Variants in ATP13A3 observed in about 807,000 individuals in gnomAD.
ATP13A3 encodes the protein ATPase 13A3.
In ATP13A3, 59 loss-of-function variants were observed where a neutral mutation model predicts 158.1. The observed-to-expected ratio is 0.37, with a 90% CI of 0.30 to 0.46. The LOEUF (loss-of-function observed/expected upper bound fraction) is 0.46, where lower values mean the gene tolerates loss of function less well. Among genes scored for constraint, ATP13A3 ranks in the 20% least tolerant of loss-of-function variants. ATP13A3 has a pLI of 1.00. For missense variants in ATP13A3, 1,166 were observed against 1,525.2 expected, an observed-to-expected ratio of 0.76 and a Z score of 3.92; for synonymous variants, 491 against 504.3, an observed-to-expected ratio of 0.97 and a Z score of 0.35.
chr3:194,454,550 T>C (rs118073380), intron 8 of ATP13A3, among the ~76,000 whole-genome samples, 158 bp from the exon 9 acceptor site: 2,775 of 152,340 alleles, frequency 0.018, 31 homozygotes, highest in African/African-American at 0.034. Flanking sequence ...TAGGGCAGGC[T>C]GGGCGCGGTG....
At position 194,404,173 on chromosome 3, in the gene ATP13A3, A is replaced by G; in HGVS notation, c.*1746T>C. ...AAATAGTGCTAATTCACAGCTCAAG[A>G]GGTCTAAGATGCATAGCTTCATAGA... On this transcript the variant is annotated 3_prime_UTR_variant, in exon 34 of 34. Coordinates refer to ENST00000645319, the MANE Select transcript of ATP13A3 (RefSeq NM_001367549.1). The G allele has an allele frequency of 2.2e-6, 1 of 445,878 alleles. No individual in the cohort carries two copies. Among genetic ancestry groups the G allele is most frequent in the South Asian group, 1.6e-5 (1 of 62,388 alleles). The allele number at this position is 445,878 out of a possible 1,614,324, so 27.6% of individuals were successfully genotyped here.
At chr3:194,460,945 A>T in intron 3 of ATP13A3, 114 bp from the exon 4 acceptor site, 1 of 1,124,582 alleles carries the variant, frequency 8.9e-7, no homozygotes, top group Non-Finnish European at 1.2e-6. Flanking sequence ...CTTGTCACAT[A>T]AACTGTAAAT....
intron 14 of ATP13A3, among the ~76,000 whole-genome samples, chr3:194,445,815 AG>A (rs1295343285): frequency 6.6e-6 from 1 of 152,234 alleles, no homozygotes; most frequent in Non-Finnish European, 1.5e-5. Flanking sequence ...TTTAATTCTC[AG>A]AAAACTTTAA....
In ATP13A3 at chr3:194,462,186, T is replaced by A. The variant is rs773544017; in HGVS notation, c.5A>T (p.Asp2Val). 1.2e-5 allele frequency: 19 copies of A among 1,613,768 alleles called. No homozygotes were observed. The highest frequency in any genetic ancestry group is 1.4e-5 in the Non-Finnish European group (17 of 1,179,724). M[D>V]REERKTINQG... ...ATTGATGGTCTTCCTTTCTTCCCTGTCCATACCTACAGTGGATTAAAGGTC... is the reference window on the plus strand; with the variant it reads ...ATTGATGGTCTTCCTTTCTTCCCTGACCATACCTACAGTGGATTAAAGGTC... Residue 2 changes from aspartate (D) to valine (V), a missense_variant, in exon 3 of 34, where the codon GAC (aspartate) becomes GTC (valine). This residue lies in a region of ATP13A3 where 65 missense variants were observed against 92.4 expected (regional missense o/e 0.70). Coordinates refer to ENST00000645319, the MANE Select transcript of ATP13A3 (RefSeq NM_001367549.1).
intron 20 of ATP13A3, among the ~76,000 whole-genome samples, chr3:194,434,715 G>A (rs1011792458): frequency 6.6e-6 from 1 of 152,154 alleles, no homozygotes; most frequent in African/African-American, 2.4e-5. Flanking sequence ...CTAGGAGTTT[G>A]AGGCCAGCCT....
At chr3:194,482,042 C>T (rs1160566203) in intron 2 of ATP13A3, among the ~76,000 whole-genome samples, 2 of 152,180 alleles carry the variant, frequency 1.3e-5, no homozygotes, top group African/African-American at 2.4e-5. Context: ...TCTAGAGAAT[C>T]ATTTTATGGA....
At chr3:194,430,886 C>T (rs1361827786) in intron 24 of ATP13A3, 57 bp downstream of exon 24, 2 of 1,346,180 alleles carry the variant, frequency 1.5e-6, no homozygotes, top group Non-Finnish European at 2.0e-6. Context: ...TTTTCTGATG[C>T]TGAAATGAAA....
intron 14 of ATP13A3, among the ~76,000 whole-genome samples, chr3:194,446,648 T>C (rs1341390396): frequency 2.0e-5 from 3 of 152,216 alleles, no homozygotes; most frequent in Non-Finnish European, 4.4e-5. Flanking sequence ...GACCAAAATA[T>C]GGCATAGGAA....
At chr3:194,451,759 C>G (rs1002370604) in intron 10 of ATP13A3, 1 of 152,400 alleles carries the variant, frequency 6.6e-6, no homozygotes, top group African/African-American at 2.4e-5. Context: ...ACAAGTTACA[C>G]GTCCAAAATA....
At chr3:194,449,787 T>C (rs1473372966) in intron 11 of ATP13A3, among the ~76,000 whole-genome samples, 2 of 151,706 alleles carry the variant, frequency 1.3e-5, no homozygotes, top group Admixed American at 1.3e-4. Flanking sequence ...TCAAGAAAAA[T>C]ATAAAATCTT....
At position 194,421,944 on chromosome 3, in the gene ATP13A3, C is replaced by CAAAAAAAAAAAAAAAAAAAAAA. The variant is rs397972334; in HGVS notation, c.3314-1978_3314-1977insTTTTTTTTTTTTTTTTTTTTTT. On this transcript the variant is annotated intron_variant, in intron 30 of 33. Coordinates refer to ENST00000645319, the MANE Select transcript of ATP13A3 (RefSeq NM_001367549.1). Reference sequence around the variant, plus strand: ...TGGTTCTTGACATGTGTGTCGTTGGCAAAAAAAAAAAAAAAAAATTTACTC... The same window carrying CAAAAAAAAAAAAAAAAAAAAAA: ...TGGTTCTTGACATGTGTGTCGTTGGCAAAAAAAAAAAAAAAAAAAAAAAAAAAAAAAAAAAAAAAATTTACTC... 1.8e-4 allele frequency among the ~76,000 whole-genome samples: 18 copies of CAAAAAAAAAAAAAAAAAAAAAA among 97,500 alleles called. 3 individuals carry two copies. The highest frequency in any genetic ancestry group is 6.5e-4 in the African/African-American group (15 of 23,130). 64.0% of individuals were successfully genotyped at this position (97,500 alleles called of 152,430 possible).
chr3:194,483,387 T>G (rs1720834296), intron 2 of ATP13A3, among the ~76,000 whole-genome samples: 1 of 144,998 alleles, frequency 6.9e-6, no homozygotes, highest in African/African-American at 2.7e-5. Flanking sequence ...TTCAGGAGTT[T>G]GAGACCAGCC....
rs1333626845 is a variant in ATP13A3, at chr3:194,406,013, A to T, written c.3677T>A (p.Val1226Asp). The T allele has an allele frequency of 2.5e-6, 4 of 1,614,082 alleles. No homozygotes were observed. The highest frequency in any genetic ancestry group is 2.5e-6 in the Non-Finnish European group (3 of 1,180,044). Residue 1226 changes from valine to aspartate, a missense_variant, in exon 34 of 34, where the codon GTT (valine) becomes GAT (aspartate). Coordinates refer to ENST00000645319, the MANE Select transcript of ATP13A3 (RefSeq NM_001367549.1). ...KYMYLAQELL[V>D]DPEWPPKPQT... ...AGGTTTTGGTGGCCATTCTGGATCA[A>T]CCAAGAGCTCCTGCGCCAGATACAT...
In ATP13A3 at chr3:194,429,658, C is replaced by A. The variant is rs1341898708; in HGVS notation, c.2874+20G>T. Reference sequence around the variant, plus strand: ...CGGTGCACATTAAGTGTTATCTCTGCACACAATGTTAATACTCACAGAATA... The same window carrying A: ...CGGTGCACATTAAGTGTTATCTCTGAACACAATGTTAATACTCACAGAATA... On this transcript the variant is annotated intron_variant, in intron 27 of 33. Transcript: ENST00000645319. 6.4e-7 allele frequency: 1 copy of A among 1,562,896 alleles called. No individual in the cohort carries two copies. Among genetic ancestry groups the A allele is most frequent in the Non-Finnish European group, 8.8e-7 (1 of 1,137,990 alleles).
At chr3:194,411,580 T>C (rs889715014) in intron 33 of ATP13A3, among the ~76,000 whole-genome samples, 2 of 152,150 alleles carry the variant, frequency 1.3e-5, no homozygotes, top group African/African-American at 2.4e-5. Context: ...GAACTTGCAA[T>C]ACCTTTCAAA....
chr3:194,403,162 T>C lies in ATP13A3; in HGVS notation c.*2757A>G, dbSNP rs1714725373. 1 of 152,250 alleles carries C rather than the reference T, an allele frequency of 6.6e-6. No homozygotes were observed. The highest frequency in any genetic ancestry group is 2.4e-5 in the African/African-American group (1 of 41,470). 9.4% of individuals were successfully genotyped at this position (152,250 alleles called of 1,614,324 possible). ...GTAACAGACTACATAAACATTGATA[T>C]ATTATTTACCATGCCTTTGAAACTG... On this transcript the variant is annotated 3_prime_UTR_variant, in exon 34 of 34. Transcript: ENST00000645319.
At chr3:194,439,516 G>A (rs188130756) in intron 16 of ATP13A3, among the ~76,000 whole-genome samples, 1 of 152,260 alleles carries the variant, frequency 6.6e-6, no homozygotes, top group African/African-American at 2.4e-5. Flanking sequence ...AAAAACATTC[G>A]AAGAAAAACG....
At chr3:194,474,935 G>A (rs1343867898) in intron 2 of ATP13A3, among the ~76,000 whole-genome samples, 1 of 152,164 alleles carries the variant, frequency 6.6e-6, no homozygotes, top group Non-Finnish European at 1.5e-5. Context: ...ACTATGTTGA[G>A]TTTAAATTAC....
At chr3:194,432,860 T>C (rs1440199137) in intron 21 of ATP13A3, among the ~76,000 whole-genome samples, 1 of 151,956 alleles carries the variant, frequency 6.6e-6, no homozygotes, top group African/African-American at 2.4e-5. Flanking sequence ...TTCACACAGC[T>C]AATGAGTAAG....
Sources: gnomAD v4.1 joint callset for allele counts (sites outside exome capture counted in the v4.1 genomes callset) on GRCh38, gnomAD v4.1.1 for gene constraint, gnomAD v4.1.1 regional missense constraint, MANE v1.5 for transcripts, NCBI Gene and HGNC (gene_info 2026-07-23, HGNC 2026-07-21) for gene names.